COL21A1: variants seen among roughly 807,000 people sequenced by gnomAD.
COL21A1 encodes the protein collagen alpha-1(XXI) chain.
In COL21A1, 149 loss-of-function variants were observed where a neutral mutation model predicts 137.9. The observed-to-expected ratio is 1.08, with a 90% confidence interval of 0.95 to 1.24. The LOEUF (loss-of-function observed/expected upper bound fraction) is 1.24. Ranked by LOEUF, COL21A1 falls within the 50% of genes most tolerant of loss-of-function variation. COL21A1 has a pLI of 0.00. For synonymous variants in COL21A1, 456 were observed against 391.5 expected (o/e 1.16, Z -1.95); for missense variants, 1,167 against 1,158.4 (o/e 1.01, Z -0.11).
At chr6:56,194,627 G>A (rs567621535) in intron 1 of COL21A1, among the ~76,000 whole-genome samples, 1 of 152,222 alleles carries the variant, frequency 6.6e-6, no homozygotes, top group Admixed American at 6.5e-5. Context: ...ACCCAAAATA[G>A]GGTAGTATAA....
chr6:56,283,759 A>C (rs1371877246), intron 1 of COL21A1, among the ~76,000 whole-genome samples: 2 of 152,038 alleles, frequency 1.3e-5, no homozygotes, highest in Non-Finnish European at 2.9e-5. Context: ...TTTTAAATAA[A>C]CCTTGTGAAA....
chr6:56,296,964 A>G (rs1764176977), intron 1 of COL21A1, among the ~76,000 whole-genome samples: 1 of 152,054 alleles, frequency 6.6e-6, no homozygotes, highest in Admixed American at 6.6e-5. Flanking sequence ...AACCTAGGCT[A>G]TTACCATCCA....
intron 1 of COL21A1, among the ~76,000 whole-genome samples, chr6:56,380,412 GGGCAGGT>G (rs1273329835): frequency 6.6e-6 from 1 of 152,062 alleles, no homozygotes; most frequent in Non-Finnish European, 1.5e-5. Context: ...TTTTTCTAAT[GGGCAGGT>G]GGTCTTTTTC....
chr6:56,058,964 C>G (rs945880164), intron 29 of COL21A1, among the ~76,000 whole-genome samples: 4 of 151,908 alleles, frequency 2.6e-5, no homozygotes, highest in African/African-American at 9.7e-5. Context: ...AAATGATAAG[C>G]AAGAGATAAT....
chr6:56,126,610 G>A (rs1773068005), intron 12 of COL21A1: 1 of 155,422 alleles, frequency 6.4e-6, no homozygotes, highest in Non-Finnish European at 1.4e-5. Context: ...ATTACTCATA[G>A]AAGGTATCTG....
chr6:56,149,238 C>T (rs1315680981), intron 10 of COL21A1, among the ~76,000 whole-genome samples: 4 of 151,984 alleles, frequency 2.6e-5, no homozygotes, highest in Non-Finnish European at 5.9e-5. Context: ...CATTAAAGAT[C>T]ATAATAAGAT....
In COL21A1 at chr6:56,057,433, C is replaced by A; in HGVS notation, c.*224G>T. ...AACATAAATGGACTTTACAAGAAACCCTTGAGATTTAATTAATGCTGCTAA... is the reference window on the plus strand; with the variant it reads ...AACATAAATGGACTTTACAAGAAACACTTGAGATTTAATTAATGCTGCTAA... On this transcript the variant is annotated 3_prime_UTR_variant, in exon 30 of 30. Transcript: ENST00000244728. The A allele has an allele frequency of 1.9e-6, 1 of 514,716 alleles. No individual in the cohort carries two copies. Among genetic ancestry groups the A allele is most frequent in the South Asian group, 2.2e-5 (1 of 45,284 alleles). The allele number at this position is 514,716 out of a possible 1,614,324, so 31.9% of individuals were successfully genotyped here. A position where few individuals can be genotyped will look rare whatever the true frequency, so the allele number is the denominator to read the frequency against.
Position 56,325,146 on chromosome 6 carries a change from T to G in COL21A1, c.-39+68825A>C, listed in dbSNP as rs1764978606. ...TTATTCTACATGAAGCCTCCTATGT[T>G]GCATAAAATTTATCAAATAAATTTG... On this transcript the variant is annotated intron_variant, in intron 1 of 28. Transcript: ENST00000370819. 3.4e-5 allele frequency among the ~76,000 whole-genome samples: 5 copies of G among 147,378 alleles called. No individual in the cohort carries two copies. In the South Asian group the frequency reaches 1.1e-3, roughly 31 times the overall value.
In COL21A1 at chr6:56,185,994, T is replaced by G. The variant is rs536167126; in HGVS notation, c.-38-3338A>C. 2.0e-5 allele frequency among the ~76,000 whole-genome samples: 3 copies of G among 151,032 alleles called. No homozygotes were observed. The South Asian group carries it at 6.3e-4, about 32-fold the overall frequency. On this transcript the variant is annotated intron_variant, in intron 1 of 29. Coordinates refer to ENST00000244728, the MANE Select transcript of COL21A1 (RefSeq NM_030820.4). The stretch of plus-strand genomic sequence containing the variant: ...ATTATGAGGCCAACATAACCCTAAT[T>G]AAAAAGAAAACCTAGACAAAGATAT...
At chr6:56,378,926 G>A (rs1417890461) in intron 1 of COL21A1, among the ~76,000 whole-genome samples, 1 of 152,180 alleles carries the variant, frequency 6.6e-6, no homozygotes, top group Non-Finnish European at 1.5e-5. Context: ...AATAAAACAA[G>A]AGTCTCTGGG....
chr6:56,227,823 T>G (rs920880088), intron 1 of COL21A1, among the ~76,000 whole-genome samples: 1 of 152,006 alleles, frequency 6.6e-6, no homozygotes, highest in Non-Finnish European at 1.5e-5. Context: ...AATGGAGGTA[T>G]GTGCTAGGCA....
chr6:56,291,606 A>G (rs1021517955), intron 1 of COL21A1, among the ~76,000 whole-genome samples: 1 of 152,204 alleles, frequency 6.6e-6, no homozygotes, highest in African/African-American at 2.4e-5. Context: ...AGAGCTTAGG[A>G]GGGTGGGTTT....
intron 1 of COL21A1, among the ~76,000 whole-genome samples, chr6:56,200,532 C>T (rs1779315603): frequency 6.8e-6 from 1 of 146,064 alleles, no homozygotes; most frequent in Admixed American, 7.1e-5. Flanking sequence ...CAATTCCCAC[C>T]TATGAGTGAG....
chr6:56,226,471 A>G (rs908418203), intron 1 of COL21A1, among the ~76,000 whole-genome samples: 7 of 152,066 alleles, frequency 4.6e-5, no homozygotes, highest in Non-Finnish European at 1.0e-4. Context: ...TATATATTAT[A>G]TCAATATAAA....
chr6:56,202,412 T>G (rs1779471342), intron 1 of COL21A1, among the ~76,000 whole-genome samples: 1 of 152,198 alleles, frequency 6.6e-6, no homozygotes, highest in African/African-American at 2.4e-5. Context: ...GGATAACTCA[T>G]AAGGAGGACC....
chr6:56,294,830 A>G (rs1764126968), intron 1 of COL21A1, among the ~76,000 whole-genome samples: 3 of 151,986 alleles, frequency 2.0e-5, no homozygotes, highest in Admixed American at 2.0e-4. Flanking sequence ...TTCTTTGTAT[A>G]TTTTGGATAC....
intron 1 of COL21A1, among the ~76,000 whole-genome samples, chr6:56,214,890 C>T (rs960111007): frequency 6.6e-6 from 1 of 152,000 alleles, no homozygotes; most frequent in African/African-American, 2.4e-5. Context: ...TTTTATGTGA[C>T]TCAATGCTTT....
intron 10 of COL21A1, among the ~76,000 whole-genome samples, chr6:56,149,006 T>C (rs575897817): frequency 6.6e-6 from 1 of 152,340 alleles, no homozygotes; most frequent in East Asian, 1.9e-4. Context: ...ATTTACAAAC[T>C]ATGCCAAAAA....
chr6:56,356,703 G>T (rs1344891818), intron 1 of COL21A1, among the ~76,000 whole-genome samples: 7 of 152,112 alleles, frequency 4.6e-5, no homozygotes, highest in Non-Finnish European at 4.4e-5. Context: ...ACCATTTCCT[G>T]CTGTGAAGCA....
Sources: gnomAD v4.1 joint callset for allele counts (sites outside exome capture counted in the v4.1 genomes callset) on GRCh38, gnomAD v4.1.1 for gene constraint, MANE v1.5 for transcripts, NCBI Gene and HGNC (gene_info 2026-07-23, HGNC 2026-07-21) for gene names.